AKT3: variants seen among roughly 807,000 people sequenced by gnomAD.
AKT3 encodes the protein AKT serine/threonine kinase 3.
A neutral mutation model predicts 65.3 loss-of-function variants in AKT3; 15 were observed. The ratio of observed to expected loss-of-function variants is 0.23; its 90% CI spans 0.15 to 0.35. The LOEUF is 0.35. Ranked by LOEUF, AKT3 falls within the 10% of genes least tolerant of loss-of-function variation. The pLI, the probability that AKT3 is intolerant of heterozygous loss-of-function variation, is 1.00. For synonymous variants in AKT3, 206 were observed against 183.8 expected, an observed-to-expected ratio of 1.12 and a Z score of -0.98; for missense variants, 243 against 576.5, an observed-to-expected ratio of 0.42 and a Z score of 5.92.
intron 8 of AKT3, among the ~76,000 whole-genome samples, chr1:243,613,215 A>G (rs1678033970): frequency 6.7e-6 from 1 of 149,914 alleles, no homozygotes; most frequent in Admixed American, 6.7e-5. Context: ...ATATATATAT[A>G]GTCATAGTAC....
intron 2 of AKT3, among the ~76,000 whole-genome samples, chr1:243,718,488 C>A (rs886590313): frequency 1.3e-5 from 2 of 152,050 alleles, no homozygotes; most frequent in African/African-American, 2.4e-5. Flanking sequence ...CTCTCTCTGT[C>A]GCCAAGGCTG....
At chr1:243,523,630 A>C (rs1670866246) in intron 12 of AKT3, among the ~76,000 whole-genome samples, 1 of 152,160 alleles carries the variant, frequency 6.6e-6, no homozygotes, top group Non-Finnish European at 1.5e-5. Context: ...AGTCATACTA[A>C]AGCATCACAA....
chr1:243,639,799 C>G (rs1471093359), intron 5 of AKT3, among the ~76,000 whole-genome samples: 1 of 152,128 alleles, frequency 6.6e-6, no homozygotes, highest in African/African-American at 2.4e-5. Flanking sequence ...TATGGAGTAG[C>G]CACCCTTTCA....
At chr1:243,561,534 A>T (rs1673775454) in intron 10 of AKT3, among the ~76,000 whole-genome samples, 1 of 152,280 alleles carries the variant, frequency 6.6e-6, no homozygotes, top group South Asian at 2.1e-4. Context: ...ATGATCCCTC[A>T]CCTTTAAAAA....
At chr1:243,580,645 G>C (rs549913459) in intron 8 of AKT3, among the ~76,000 whole-genome samples, 18 of 152,302 alleles carry the variant, frequency 1.2e-4, no homozygotes, top group African/African-American at 3.4e-4. Context: ...GGCAGCAGGA[G>C]AGCCGCTACA....
chr1:243,831,024 C>T (rs990235632), intron 2 of AKT3, among the ~76,000 whole-genome samples: 1 of 152,156 alleles, frequency 6.6e-6, no homozygotes, highest in Non-Finnish European at 1.5e-5. Context: ...CATTAGGCTG[C>T]TTTCATAACT....
At chr1:243,784,428 C>CAA (rs199852273) in intron 2 of AKT3, among the ~76,000 whole-genome samples, 2 of 125,762 alleles carry the variant, frequency 1.6e-5, no homozygotes, top group African/African-American at 3.0e-5. Flanking sequence ...CAGCCCTCTT[C>CAA]AAAAAAAAAA....
At chr1:243,763,289 A>G (rs151078243) in intron 2 of AKT3, among the ~76,000 whole-genome samples, 17 of 152,208 alleles carry the variant, frequency 1.1e-4, no homozygotes, top group South Asian at 8.3e-4. Flanking sequence ...CACTAAAGTA[A>G]TTTTCCAATT....
At chr1:243,833,056 T>C (rs1694639632) in intron 2 of AKT3, among the ~76,000 whole-genome samples, 1 of 152,044 alleles carries the variant, frequency 6.6e-6, no homozygotes, top group African/African-American at 2.4e-5. Flanking sequence ...GGTCAGGAGT[T>C]CGAGACCAGC....
intron 12 of AKT3, among the ~76,000 whole-genome samples, chr1:243,516,667 C>T (rs937948939): frequency 1.3e-5 from 2 of 150,552 alleles, no homozygotes; most frequent in Non-Finnish European, 2.9e-5. Flanking sequence ...AATCCTCCTG[C>T]CTCAGCCTCC....
chr1:243,749,371 CTTT>C (rs1688666017), intron 2 of AKT3, among the ~76,000 whole-genome samples: 1 of 152,062 alleles, frequency 6.6e-6, no homozygotes. Context: ...GCCACATCTT[CTTT>C]ATCCCTCTTC....
chr1:243,616,794 G>T (rs1225700797), intron 6 of AKT3, among the ~76,000 whole-genome samples: 1 of 152,148 alleles, frequency 6.6e-6, no homozygotes, highest in African/African-American at 2.4e-5. Flanking sequence ...AAGAAGGTAA[G>T]ATCAATTGTG....
intron 1 of AKT3, among the ~76,000 whole-genome samples, chr1:243,849,559 A>G (rs1695669513): frequency 6.7e-6 from 1 of 150,154 alleles, no homozygotes; most frequent in South Asian, 2.1e-4. Flanking sequence ...CCCCAACCCA[A>G]ACACACTGAC....
chr1:243,786,998 A>C (rs1227741833), intron 2 of AKT3, among the ~76,000 whole-genome samples: 1 of 152,238 alleles, frequency 6.6e-6, no homozygotes, highest in East Asian at 1.9e-4. Context: ...GAAGAGCATA[A>C]TACAGATACA....
intron 6 of AKT3, among the ~76,000 whole-genome samples, chr1:243,636,788 G>A (rs986893181): frequency 5.3e-5 from 8 of 152,094 alleles, no homozygotes; most frequent in Non-Finnish European, 1.2e-4. Flanking sequence ...GTGAACCTAG[G>A]TGTGTATGAT....
chr1:243,795,085 C>T (rs1691870038), intron 2 of AKT3, among the ~76,000 whole-genome samples: 1 of 150,884 alleles, frequency 6.6e-6, no homozygotes, highest in African/African-American at 2.4e-5. Context: ...CTTATGGTAT[C>T]TGTTTTCTCC....
rs572969258 is a variant in AKT3 at position 243,775,193 on chromosome 1, T to G, written c.46+67932A>C. ...CCTATTATTTGTTTGTTTGTTTGTT[T>G]GTTTTGAGACAGAGTCTCACACTGT... On this transcript the variant is annotated intron_variant, in intron 2 of 13. Transcript: ENST00000673466. 2.6e-5 allele frequency among the ~76,000 whole-genome samples: 4 copies of G among 152,234 alleles called. No homozygotes were observed. The South Asian group carries it at 6.2e-4, about 24-fold the overall frequency.
chr1:243,583,654 A>C (rs1007426192), intron 8 of AKT3, among the ~76,000 whole-genome samples: 1 of 152,064 alleles, frequency 6.6e-6, no homozygotes, highest in African/African-American at 2.4e-5. Context: ...ACAGAAATCA[A>C]TACCAAGAAG....
intron 10 of AKT3, among the ~76,000 whole-genome samples, chr1:243,561,452 C>T (rs1673767909): frequency 6.6e-6 from 1 of 152,086 alleles, no homozygotes; most frequent in Admixed American, 6.6e-5. Flanking sequence ...GTCAGACACA[C>T]TAATTAGAAT....
Sources: gnomAD v4.1 joint callset for allele counts (sites outside exome capture counted in the v4.1 genomes callset) on GRCh38, gnomAD v4.1.1 for gene constraint, MANE v1.5 for transcripts, NCBI Gene and HGNC (gene_info 2026-07-23, HGNC 2026-07-21) for gene names.